The following DERPC variants were observed in gnomAD, a reference collection of about 807,000 sequenced individuals.
The protein encoded by DERPC is decreased expression in renal and prostate cancer protein.
DERPC carries 1 observed loss-of-function variant against 7.2 expected under a neutral mutation model. That is an observed-to-expected ratio of 0.14 (90% CI 0.05 to 0.66). DERPC has a LOEUF of 0.66. Among genes scored for constraint, DERPC ranks in the 30% least tolerant of loss-of-function variants. The probability of loss-of-function intolerance (pLI) is 0.84; values close to 1 mark genes in which losing one functional copy is unlikely to be tolerated. For missense variants in DERPC, 502 were observed against 299.4 expected, an observed-to-expected ratio of 1.68 and a Z score of -4.99; for synonymous variants, 185 against 117.6, an observed-to-expected ratio of 1.57 and a Z score of -3.71.
chr16:69,121,279 C>G (rs1344729843), intron 2 of DERPC, 157 bp downstream of exon 2: 2 of 1,296,454 alleles, frequency 1.5e-6, no homozygotes, highest in Non-Finnish European at 2.2e-6. Context: ...ATGTCAAGTT[C>G]TTGGGAAATT....
At chr16:69,130,595 C>T (rs1420786053) in intron 1 of DERPC, among the ~76,000 whole-genome samples, 1 of 152,152 alleles carries the variant, frequency 6.6e-6, no homozygotes, top group Non-Finnish European at 1.5e-5. Context: ...ACGTGTTTTC[C>T]TAACAATACA....
intron 1 of DERPC, among the ~76,000 whole-genome samples, chr16:69,121,710 C>T (rs1961683010): frequency 6.6e-6 from 1 of 151,414 alleles, no homozygotes; most frequent in African/African-American, 2.4e-5. Context: ...CTCTGTCACC[C>T]AGGTTGGAGT....
Position 69,120,944 on chromosome 16 carries a change from G to C in DERPC, c.-221-295C>G, listed in dbSNP as rs1961605960. The C allele has an allele frequency of 1.1e-6, 1 of 910,324 alleles. No individual in the cohort carries two copies. The allele number at this position is 910,324 out of a possible 1,614,324, so 56.4% of individuals were successfully genotyped here. A position where few individuals can be genotyped will look rare whatever the true frequency, so the allele number is the denominator to read the frequency against. On this transcript the variant is annotated intron_variant, in intron 2 of 2. Coordinates refer to ENST00000519520, the MANE Select transcript of DERPC (RefSeq NM_001002847.4). The surrounding 1 kb of genome is among the most constrained non-coding windows in gnomAD (Gnocchi z 4.0). ...AGCAGAGAGCATCGCAGATTAGCTA[G>C]GCCTTGAATAACAAACCTGAGGCAG...
rs1567585059 is a variant in DERPC at position 69,118,379 on chromosome 16, GA to G, written c.*474del. ...GCCCCCAGGGAAAGGTATGGCAGTAGAGGATGACCAGGTCCAAGCTGCCCAG... is the reference window on the plus strand; with the variant it reads ...GCCCCCAGGGAAAGGTATGGCAGTAGGGATGACCAGGTCCAAGCTGCCCAG... On this transcript the variant is annotated 3_prime_UTR_variant, in exon 3 of 3. Transcript: ENST00000519520. 1 of 1,611,814 alleles carries G rather than the reference GA, an allele frequency of 6.2e-7. No individual in the cohort carries two copies. Among genetic ancestry groups the G allele is most frequent in the Non-Finnish European group, 8.5e-7 (1 of 1,177,908 alleles).
intron 1 of DERPC, among the ~76,000 whole-genome samples, chr16:69,121,890 C>T (rs561952458): frequency 6.6e-6 from 1 of 152,170 alleles, no homozygotes; most frequent in East Asian, 1.9e-4. Flanking sequence ...AGGATGGTCT[C>T]GATCTCCTGA....
At chr16:69,121,271 G>A (rs1961633780) in intron 2 of DERPC, 165 bp downstream of exon 2, 1 of 1,309,562 alleles carries the variant, frequency 7.6e-7, no homozygotes, top group African/African-American at 1.5e-5. Context: ...TTTGTTGGAT[G>A]TCAAGTTCTT....
chr16:69,118,461 G>A lies in DERPC; in HGVS notation c.*393C>T. On this transcript the variant is annotated 3_prime_UTR_variant, in exon 3 of 3. Transcript: ENST00000519520. The stretch of plus-strand genomic sequence containing the variant: ...CAACGCCACGTTTCTAGAGAGCAGT[G>A]AGCTGATTCTCCAATGGTGAGCAGG... 2 of 1,581,766 alleles carry A rather than the reference G, an allele frequency of 1.3e-6. No individual in the cohort carries two copies. The highest frequency in any genetic ancestry group is 1.7e-6 in the Non-Finnish European group (2 of 1,150,538).
intron 1 of DERPC, among the ~76,000 whole-genome samples, chr16:69,125,857 T>C (rs1265797713): frequency 1.3e-5 from 2 of 152,242 alleles, no homozygotes; most frequent in Non-Finnish European, 2.9e-5. Context: ...TTTGTGACTA[T>C]GACACCTAGA....
intron 1 of DERPC, among the ~76,000 whole-genome samples, chr16:69,126,970 G>A (rs2152270821): frequency 6.6e-6 from 1 of 152,194 alleles, no homozygotes; most frequent in East Asian, 1.9e-4. Context: ...TATGAGGCCG[G>A]GCGCGGTGGC....
chr16:69,118,190 T>C lies in DERPC; in HGVS notation c.*664A>G. The C allele has an allele frequency of 1.6e-6, 1 of 606,090 alleles. No homozygotes were observed. Among genetic ancestry groups the C allele is most frequent in the Non-Finnish European group, 3.0e-6 (1 of 338,098 alleles). The allele number at this position is 606,090 out of a possible 1,614,324, so 37.5% of individuals were successfully genotyped here. A position where few individuals can be genotyped will look rare whatever the true frequency, so the allele number is the denominator to read the frequency against. On this transcript the variant is annotated 3_prime_UTR_variant, in exon 3 of 3. Coordinates refer to ENST00000519520, the MANE Select transcript of DERPC (RefSeq NM_001002847.4). ...TTAAATTTTGAGGTTCTTTGATTGATTGGGAGTACCAGTGAAGAGGGAGTT... is the reference window on the plus strand; with the variant it reads ...TTAAATTTTGAGGTTCTTTGATTGACTGGGAGTACCAGTGAAGAGGGAGTT...
rs1205867136 is a variant in DERPC at position 69,120,091 on chromosome 16, G to A, written c.338C>T (p.Pro113Leu). 1.1e-5 allele frequency: 8 copies of A among 696,876 alleles called. No homozygotes were observed. Among genetic ancestry groups the A allele is most frequent in the Non-Finnish European group, 2.1e-5 (8 of 382,810 alleles). The allele number at this position is 696,876 out of a possible 1,614,324, so 43.2% of individuals were successfully genotyped here. ...TGGCCCCAAGAGGCCACCAGGCCTT[G>A]GGAAAGAAACTGCACCTGTGCCAGT... ...NPTGTGAVSFPRPGGLLGPGP... is the reference protein window; with the variant it reads ...NPTGTGAVSFLRPGGLLGPGP... Residue 113 changes from proline to leucine, a missense_variant, in exon 3 of 3, where the codon CCA becomes CTA. Physicochemically the swap from Pro to Leu is moderately conservative, Grantham distance 98. Coordinates refer to ENST00000519520, the MANE Select transcript of DERPC (RefSeq NM_001002847.4). The surrounding 1 kb of genome is among the most constrained non-coding windows in gnomAD (Gnocchi z 4.0).
rs1437970594 is a variant in DERPC at position 69,120,141 on chromosome 16, A to G, written c.288T>C (p.Ala96=). 2 of 701,268 alleles carry G rather than the reference A, an allele frequency of 2.9e-6. No individual in the cohort carries two copies. Among genetic ancestry groups the G allele is most frequent in the African/African-American group, 3.5e-5 (2 of 57,202 alleles). 43.4% of individuals were successfully genotyped at this position (701,268 alleles called of 1,614,324 possible). A position where few individuals can be genotyped will look rare whatever the true frequency, so the allele number is the denominator to read the frequency against. ...FPAGARDPSM[A]SFPRGMNPTG... is the part of the protein sequence containing the mutation. ...TGGGATTCATCCCTCTTGGAAAAGA[A>G]GCCATACTTGGGTCACGAGCACCAG... Residue 96 remains alanine, a synonymous_variant, in exon 3 of 3, where the codon GCT becomes GCC. Coordinates refer to ENST00000519520, the MANE Select transcript of DERPC (RefSeq NM_001002847.4). This position sits in a 1 kb window ranked among gnomAD's most constrained non-coding sequence, Gnocchi z 4.0.
At chr16:69,124,434 G>GT (rs573567756) in intron 1 of DERPC, among the ~76,000 whole-genome samples, 23 of 150,734 alleles carry the variant, frequency 1.5e-4, no homozygotes, top group Non-Finnish European at 2.8e-4. Context: ...TTTTTTTTTT[G>GT]TTTTTTTGAG....
intron 1 of DERPC, among the ~76,000 whole-genome samples, chr16:69,123,819 A>G (rs1961856945): frequency 2.6e-5 from 4 of 151,364 alleles, no homozygotes; most frequent in Non-Finnish European, 5.9e-5. Context: ...CGGGAGCAGT[A>G]GCTCACGCCT....
Position 69,119,383 on chromosome 16 carries a change from G to A in DERPC, c.1046C>T (p.Ser349Leu), listed in dbSNP as rs1358679493. Reference protein sequence around the residue: ...GPIGPNSAHFSRPVGPMGVNA... With the variant: ...GPIGPNSAHFLRPVGPMGVNA... ...TACCCCCATGGGGCCAACTGGCCTT[G>A]AGAAATGAGCTGAATTAGGGCCTAT... Residue 349 changes from serine (S) to leucine (L), a missense_variant, in exon 3 of 3, where the codon TCA becomes TTA. Transcript: ENST00000519520. 3 of 703,018 alleles carry A rather than the reference G, an allele frequency of 4.3e-6. No individual in the cohort carries two copies. The highest frequency in any genetic ancestry group is 7.8e-6 in the Non-Finnish European group (3 of 384,978). The allele number at this position is 703,018 out of a possible 1,614,324, so 43.5% of individuals were successfully genotyped here.
intron 1 of DERPC, among the ~76,000 whole-genome samples, chr16:69,130,946 T>C (rs529686435): frequency 6.6e-6 from 1 of 152,340 alleles, no homozygotes; most frequent in Admixed American, 6.5e-5. Flanking sequence ...ATGATGACTA[T>C]GTCTCTATGT....
Position 69,119,527 on chromosome 16 carries a change from G to A in DERPC, c.902C>T (p.Thr301Ile), listed in dbSNP as rs570440198. The A allele has an allele frequency of 6.7e-5, 47 of 702,944 alleles. No homozygotes were observed. The highest frequency in any genetic ancestry group is 2.6e-4 in the Admixed American group (13 of 50,028). The allele number at this position is 702,944 out of a possible 1,614,324, so 43.5% of individuals were successfully genotyped here. A position where few individuals can be genotyped will look rare whatever the true frequency, so the allele number is the denominator to read the frequency against. The stretch of plus-strand genomic sequence containing the variant: ...TACTCTTGCCATGGAGGATGGGCTT[G>A]TGCCCATGTTTCCAGAAGCCTGTGA... ...SFSQASGNMG[T>I]SPSSMARVPG... Residue 301 changes from threonine to isoleucine, a missense_variant, in exon 3 of 3, where the codon ACA (threonine) becomes ATA (isoleucine). Thr to Ile is a moderately conservative substitution (Grantham distance 89). Coordinates refer to ENST00000519520, the MANE Select transcript of DERPC (RefSeq NM_001002847.4).
In DERPC at chr16:69,120,528, C is replaced by T. The variant is rs760768547; in HGVS notation, c.-100G>A. On this transcript the variant is annotated 5_prime_UTR_variant, in exon 3 of 3. Transcript: ENST00000519520. The surrounding 1 kb of genome is among the most constrained non-coding windows in gnomAD (Gnocchi z 4.0). ...CACCAGGTACCGGGTGCCAGTCTCG[C>T]GGCCAAGCTCATCACAGTCCTGATC... 17 of 1,613,990 alleles carry T rather than the reference C, an allele frequency of 1.1e-5. No homozygotes were observed. The highest frequency in any genetic ancestry group is 6.7e-5 in the East Asian group (3 of 44,888).
chr16:69,123,299 G>C (rs1961816994), intron 1 of DERPC, among the ~76,000 whole-genome samples: 1 of 151,968 alleles, frequency 6.6e-6, no homozygotes, highest in South Asian at 2.1e-4. Flanking sequence ...TTTTTCTTTG[G>C]TAATGATGTA....
Sources: gnomAD v4.1 joint callset for allele counts (sites outside exome capture counted in the v4.1 genomes callset) on GRCh38, gnomAD v4.1.1 for gene constraint, Gnocchi (gnomAD v3.1) non-coding constraint, MANE v1.5 for transcripts, NCBI Gene and HGNC (gene_info 2026-07-23, HGNC 2026-07-21) for gene names.